Variants in ZIC4 observed in about 807,000 individuals in gnomAD.
ZIC4 encodes the protein Zic family zinc finger 4.
A neutral mutation model predicts 28.8 loss-of-function variants in ZIC4; 15 were observed. The observed-to-expected ratio is 0.52, with a 90% CI of 0.35 to 0.80. The LOEUF is 0.80. Among genes scored for constraint, ZIC4 ranks in the 30% least tolerant of loss-of-function variants. The pLI, the probability that ZIC4 is intolerant of heterozygous loss-of-function variation, is 0.01. For synonymous variants in ZIC4, 220 were observed against 198.1 expected (o/e 1.11, Z -0.93); for missense variants, 512 against 467.1 (o/e 1.10, Z -0.89).
intron 4 of ZIC4, 140 bp from the exon 5 acceptor site, chr3:147,388,999 AG>A (rs2107960631): frequency 1.5e-6 from 1 of 650,606 alleles, no homozygotes; most frequent in Non-Finnish European, 2.8e-6. Context: ...TACTTCAGGA[AG>A]GGGGACTTTT....
At chr3:147,389,985 G>A (rs1357407626) in intron 4 of ZIC4, among the ~76,000 whole-genome samples, 6 of 152,264 alleles carry the variant, frequency 3.9e-5, no homozygotes, top group African/African-American at 1.4e-4. Flanking sequence ...GGTTGGGGTG[G>A]GAAAAAGGCC....
rs2086817877 is a variant in ZIC4, at chr3:147,387,557, T to C, written c.*1302A>G. 1 of 152,598 alleles carries C rather than the reference T, an allele frequency of 6.6e-6. No individual in the cohort carries two copies. The highest frequency in any genetic ancestry group is 1.5e-5 in the Non-Finnish European group (1 of 68,020). 9.5% of individuals were successfully genotyped at this position (152,598 alleles called of 1,614,324 possible). A position where few individuals can be genotyped will look rare whatever the true frequency, so the allele number is the denominator to read the frequency against. On this transcript the variant is annotated 3_prime_UTR_variant, in exon 5 of 5. Coordinates refer to ENST00000383075, the MANE Select transcript of ZIC4 (RefSeq NM_032153.6). ...TTGATTTTTTTTTTCACTGTGTTTA[T>C]TTTTCCCCTATTCACTGGGGTACTT...
chr3:147,392,602 G>T (rs2086950345), intron 3 of ZIC4: 4 of 214,224 alleles, frequency 1.9e-5, no homozygotes, highest in Non-Finnish European at 3.2e-5. Flanking sequence ...GTCTAGCTGA[G>T]GAGGAAGACG....
At chr3:147,401,584 A>G (rs2087165876) in intron 2 of ZIC4, among the ~76,000 whole-genome samples, 1 of 152,170 alleles carries the variant, frequency 6.6e-6, no homozygotes, top group African/African-American at 2.4e-5. Context: ...GGCTAGTCAC[A>G]AACAGACTTC....
intron 3 of ZIC4, among the ~76,000 whole-genome samples, chr3:147,395,141 TATTA>T (rs2087012781): frequency 6.6e-6 from 1 of 152,172 alleles, no homozygotes; most frequent in Admixed American, 6.5e-5. Flanking sequence ...CTTGCAGTTG[TATTA>T]ATTAGAGATG....
rs754260749 is a variant in ZIC4 at position 147,391,090 on chromosome 3, C to T, written c.845G>A (p.Arg282His). 4 of 1,614,128 alleles carry T rather than the reference C, an allele frequency of 2.5e-6. No homozygotes were observed. The highest frequency in any genetic ancestry group is 1.3e-5 in the African/African-American group (1 of 75,062). ...DKCYTHPSSL[R>H]KHMKVHGRSP... ...GCGCCCGTGCACCTTCATGTGCTTA[C>T]GCAGCGAGCTGGGGTGCGTGTAGCA... Residue 282 changes from arginine to histidine, a missense_variant, in exon 4 of 5, where the codon CGT (arginine) becomes CAT (histidine). Around this residue, in one of 3 missense-constraint regions of ZIC4, gnomAD observed 144 missense variants for 116.8 expected, o/e 1.23. Coordinates refer to ENST00000383075, the MANE Select transcript of ZIC4 (RefSeq NM_032153.6).
At chr3:147,391,816 C>T in intron 3 of ZIC4, 1 of 318,226 alleles carries the variant, frequency 3.1e-6, no homozygotes, top group Non-Finnish European at 4.5e-6. Flanking sequence ...GCAGCCGATG[C>T]ACATTGTGTG....
rs2086825766 is a variant in ZIC4, at chr3:147,388,004, GCAGT to G, written c.*851_*854del. On this transcript the variant is annotated 3_prime_UTR_variant, in exon 5 of 5. Transcript: ENST00000383075. The stretch of plus-strand genomic sequence containing the variant: ...CCTGATCCTGGAGCCTCTTTGGGGT[GCAGT>G]CAAGATGCACAGAGTCCTTGTGCTC... 6.6e-6 allele frequency: 1 copy of G among 152,462 alleles called. No homozygotes were observed. The highest frequency in any genetic ancestry group is 1.5e-5 in the Non-Finnish European group (1 of 68,034). The allele number at this position is 152,462 out of a possible 1,614,324, so 9.4% of individuals were successfully genotyped here.
In ZIC4 at chr3:147,386,632, A is replaced by T. The variant is rs1357260149; in HGVS notation, c.*2227T>A. On this transcript the variant is annotated 3_prime_UTR_variant, in exon 5 of 5. Coordinates refer to ENST00000383075, the MANE Select transcript of ZIC4 (RefSeq NM_032153.6). ...AAACCACCTTTAAAACCACCACAGG[A>T]GTTTTGGGGAAACCTGAACTGGGTG... The T allele has an allele frequency of 6.6e-6, 1 of 152,356 alleles. No homozygotes were observed. The highest frequency in any genetic ancestry group is 1.5e-5 in the Non-Finnish European group (1 of 68,024). 9.4% of individuals were successfully genotyped at this position (152,356 alleles called of 1,614,324 possible). A position where few individuals can be genotyped will look rare whatever the true frequency, so the allele number is the denominator to read the frequency against.
intron 3 of ZIC4, among the ~76,000 whole-genome samples, chr3:147,393,257 T>G (rs2086962765): frequency 6.6e-6 from 1 of 151,850 alleles, no homozygotes. Flanking sequence ...AAAACAGCAG[T>G]GCACTGAGTG....
intron 1 of ZIC4, chr3:147,405,382 C>T: frequency 6.5e-7 from 1 of 1,536,554 alleles, no homozygotes; most frequent in Non-Finnish European, 8.7e-7. Context: ...CCTTGGAATC[C>T]AAAGGGAGTT....
chr3:147,392,351 A>T (rs2086944244), intron 3 of ZIC4: 1 of 985,374 alleles, frequency 1.0e-6, no homozygotes, highest in Non-Finnish European at 1.2e-6. Flanking sequence ...TGCCCTGTAG[A>T]GCCGAGGGAA....
intron 3 of ZIC4, chr3:147,391,517 T>G (rs1285491736): frequency 2.8e-6 from 1 of 356,600 alleles, no homozygotes; most frequent in African/African-American, 2.1e-5. Flanking sequence ...TCCATCTTAG[T>G]CGAGTTTCCA....
intron 2 of ZIC4, among the ~76,000 whole-genome samples, chr3:147,398,597 G>A (rs1471355876): frequency 6.6e-6 from 1 of 152,156 alleles, no homozygotes; most frequent in Non-Finnish European, 1.5e-5. Flanking sequence ...CGATTTAAAG[G>A]GCTGCTGGCC....
In ZIC4 at chr3:147,387,499, C is replaced by A. The variant is rs1212924562; in HGVS notation, c.*1360G>T. 6.6e-6 allele frequency: 1 copy of A among 152,576 alleles called. No individual in the cohort carries two copies. The highest frequency in any genetic ancestry group is 2.4e-5 in the African/African-American group (1 of 41,422). The allele number at this position is 152,576 out of a possible 1,614,324, so 9.5% of individuals were successfully genotyped here. ...AAGCGGACCATCCTTTTTATTCAAC[C>A]ACAAGGACTGGCACTAAAGAAGACT... is the stretch of plus-strand genomic sequence containing the variant. On this transcript the variant is annotated 3_prime_UTR_variant, in exon 5 of 5. Transcript: ENST00000383075.
At chr3:147,390,456 C>T (rs1459713010) in intron 4 of ZIC4, among the ~76,000 whole-genome samples, 5 of 152,052 alleles carry the variant, frequency 3.3e-5, no homozygotes, top group African/African-American at 1.2e-4. Context: ...AAATATTTCC[C>T]ATTCTGCGAA....
Position 147,390,911 on chromosome 3 carries a change from C to G in ZIC4, c.1004+20G>C, listed in dbSNP as rs369390033. ...GCGGCGGGGGCAGCCGCTATGGGGC[C>G]CAAGCCCTGACACACGTACCATTCG... On this transcript the variant is annotated intron_variant, in intron 4 of 4. Transcript: ENST00000383075. 1 of 1,592,134 alleles carries G rather than the reference C, an allele frequency of 6.3e-7. No homozygotes were observed. The highest frequency in any genetic ancestry group is 1.3e-5 in the African/African-American group (1 of 74,532).
At chr3:147,395,746 C>A in intron 3 of ZIC4, 106 bp downstream of exon 3, 1 of 1,500,778 alleles carries the variant, frequency 6.7e-7, no homozygotes, top group Non-Finnish European at 8.9e-7. Flanking sequence ...ATGGAAACAA[C>A]CCCAAAATAT....
intron 3 of ZIC4, among the ~76,000 whole-genome samples, chr3:147,395,124 C>T (rs1364012387): frequency 6.6e-6 from 1 of 152,180 alleles, no homozygotes; most frequent in African/African-American, 2.4e-5. Context: ...AGTGTGAAAA[C>T]TTTCTCCTTG....
Sources: allele counts gnomAD v4.1 joint callset (sites outside exome capture counted in the v4.1 genomes callset), GRCh38; gene constraint gnomAD v4.1.1; regional missense constraint gnomAD v4.1.1; transcripts MANE v1.5; gene names NCBI Gene and HGNC (gene_info 2026-07-23, HGNC 2026-07-21).